Variants in AKNA observed in about 807,000 individuals in gnomAD.
AKNA encodes microtubule organization protein AKNA.
Under a neutral mutation model 138.8 loss-of-function variants are expected in AKNA, and 67 were observed. The ratio of observed to expected loss-of-function variants is 0.48; its 90% CI spans 0.40 to 0.59. The LOEUF is 0.59. AKNA is among the 20% of genes least tolerant of loss of function. AKNA has a pLI of 0.00. For synonymous variants in AKNA, 737 were observed against 754.4 expected (o/e 0.98, Z 0.38); for missense variants, 1,813 against 1,880.4 (o/e 0.96, Z 0.66).
chr9:114,355,466 T>C (rs60740853), intron 14 of AKNA, among the ~76,000 whole-genome samples: 18,946 of 152,208 alleles, frequency 0.12, 3,818 homozygotes, highest in African/African-American at 0.42. Flanking sequence ...CACGAGCCGC[T>C]GCACCCGGCT....
chr9:114,367,814 G>A, intron 5 of AKNA, 117 bp from the exon 6 acceptor site: 1 of 1,184,594 alleles, frequency 8.4e-7, no homozygotes, highest in Non-Finnish European at 1.2e-6. Flanking sequence ...CAGTCACCAT[G>A]TGCGATCTTC....
At position 114,368,465 on chromosome 9, in the gene AKNA, T is replaced by C; in HGVS notation, c.1547A>G (p.Glu516Gly). The C allele has an allele frequency of 7.7e-7, 1 of 1,306,378 alleles. No individual in the cohort carries two copies. Among genetic ancestry groups the C allele is most frequent in the East Asian group, 3.0e-5 (1 of 33,458 alleles). 80.9% of individuals were successfully genotyped at this position (1,306,378 alleles called of 1,614,324 possible). A position where few individuals can be genotyped will look rare whatever the true frequency, so the allele number is the denominator to read the frequency against. The change falls in exon 5 of 22, where the codon GAG becomes GGG. Residue 516 changes from glutamate to glycine, a missense_variant. Coordinates refer to ENST00000374088, the MANE Select transcript of AKNA (RefSeq NM_001317950.2). ...RSAEWWPGPA[E>G]DPQASAASGW... ...TGAGGCCGCAGAGGCCTGGGGGTCC[T>C]CGGCCGGGCCCGGCCACCACTCTGC...
At chr9:114,375,871 G>T in intron 3 of AKNA, 1 of 417,876 alleles carries the variant, frequency 2.4e-6, no homozygotes, top group Non-Finnish European at 4.8e-6. Flanking sequence ...TTTGAGCAAA[G>T]GGCTTGGGTG....
At chr9:114,375,538 G>A (rs1278658925) in intron 3 of AKNA, among the ~76,000 whole-genome samples, 1 of 152,290 alleles carries the variant, frequency 6.6e-6, no homozygotes, top group East Asian at 1.9e-4. Flanking sequence ...AGGACCTGGT[G>A]TTAACATTTA....
chr9:114,383,832 G>A (rs1449565640), intron 1 of AKNA, among the ~76,000 whole-genome samples: 1 of 152,224 alleles, frequency 6.6e-6, no homozygotes, highest in Non-Finnish European at 1.5e-5. Context: ...GGGAGGTGCA[G>A]GGAATACCAT....
At chr9:114,342,828 G>A (rs1830447812) in intron 19 of AKNA, among the ~76,000 whole-genome samples, 1 of 151,756 alleles carries the variant, frequency 6.6e-6, no homozygotes, top group Non-Finnish European at 1.5e-5. Context: ...TGTTCCTTGG[G>A]GACGGGGCCC....
intron 21 of AKNA, among the ~76,000 whole-genome samples, chr9:114,338,570 G>C (rs765334639): frequency 2.0e-5 from 3 of 152,200 alleles, no homozygotes; most frequent in Non-Finnish European, 4.4e-5. Context: ...GATGAGCAAA[G>C]CGGAGCTCAG....
chr9:114,337,013 G>GACCC lies in AKNA; in HGVS notation c.*40_*41insGGGT. On this transcript the variant is annotated 3_prime_UTR_variant, in exon 22 of 22. Coordinates refer to ENST00000374088, the MANE Select transcript of AKNA (RefSeq NM_001317950.2). ...CCACTCCTGGCCTGGCAGGCCACCT[G>GACCC]CCCACCCACCCACCCATCTGCCTCT... 2 of 1,185,370 alleles carry GACCC rather than the reference G, an allele frequency of 1.7e-6. No homozygotes were observed. The highest frequency in any genetic ancestry group is 2.5e-5 in the South Asian group (1 of 40,612). The allele number at this position is 1,185,370 out of a possible 1,614,324, so 73.4% of individuals were successfully genotyped here. A position where few individuals can be genotyped will look rare whatever the true frequency, so the allele number is the denominator to read the frequency against.
At chr9:114,331,896 C>T (rs1295534257), downstream of AKNA, 1 of 1,613,746 alleles carries the variant, frequency 6.2e-7, no homozygotes, top group Admixed American at 1.7e-5. Context: ...TGTGCATTCC[C>T]AGGTCAGATG....
chr9:114,345,741 C>T, intron 18 of AKNA, 122 bp downstream of exon 18: 1 of 912,836 alleles, frequency 1.1e-6, no homozygotes, highest in Non-Finnish European at 1.6e-6. Flanking sequence ...TTTCATATCA[C>T]AGAACTGATA....
At chr9:114,353,976 C>T (rs1831309700) in intron 14 of AKNA, among the ~76,000 whole-genome samples, 1 of 152,124 alleles carries the variant, frequency 6.6e-6, no homozygotes, top group African/African-American at 2.4e-5. Flanking sequence ...TTATAAACAC[C>T]ATACACTTAG....
In AKNA at chr9:114,346,785, C is replaced by A. The variant is rs896920442; in HGVS notation, c.3399-1G>T. On this transcript the variant is annotated splice_acceptor_variant, in intron 16 of 21. Coordinates refer to ENST00000374088, the MANE Select transcript of AKNA (RefSeq NM_001317950.2). LOFTEE classifies it high-confidence loss of function. The stretch of plus-strand genomic sequence containing the variant: ...ACCAGGCAATCTCTCTGTGGATTTA[C>A]TAGCAAAAGGAAAGAGAGATGATGT... 1 of 1,610,618 alleles carries A rather than the reference C, an allele frequency of 6.2e-7. No individual in the cohort carries two copies.
intron 1 of AKNA, chr9:114,383,047 G>A (rs934097436): frequency 2.3e-6 from 1 of 436,498 alleles, no homozygotes; most frequent in Non-Finnish European, 4.6e-6. Context: ...TGGGGGCGGG[G>A]AGCAAGCCTA....
At chr9:114,387,499 G>A (rs895896397) in intron 1 of AKNA, among the ~76,000 whole-genome samples, 12 of 152,194 alleles carry the variant, frequency 7.9e-5, no homozygotes, top group African/African-American at 2.9e-4. Flanking sequence ...GCTGCCTCCT[G>A]GCCTGCTGCC....
Position 114,377,362 on chromosome 9 carries a change from C to G in AKNA, c.445G>C (p.Gly149Arg), listed in dbSNP as rs79864470. ...ESSSRLGYEA[G>R]LSLEGHGNTS... is the part of the protein sequence containing the mutation. ...TTTCCATGGCCTTCCAAGCTGAGACCAGCCTCATACCCCAACCTTGAGGAG... is the reference window on the plus strand; with the variant it reads ...TTTCCATGGCCTTCCAAGCTGAGACGAGCCTCATACCCCAACCTTGAGGAG... Residue 149 changes from glycine (G) to arginine (R), a missense_variant, in exon 3 of 22, where the codon GGT (glycine) becomes CGT (arginine). Coordinates refer to ENST00000374088, the MANE Select transcript of AKNA (RefSeq NM_001317950.2). The G allele has an allele frequency of 1.2e-3, 1,934 of 1,613,912 alleles. 9 individuals carry two copies. The highest frequency in any genetic ancestry group is 3.0e-3 in the South Asian group (277 of 91,046).
At chr9:114,372,131 G>A (rs1223686689) in intron 4 of AKNA, among the ~76,000 whole-genome samples, 4 of 152,184 alleles carry the variant, frequency 2.6e-5, no homozygotes, top group African/African-American at 7.2e-5. Flanking sequence ...GCTTCCTTCC[G>A]GTAGAGCCCT....
At position 114,376,932 on chromosome 9, in the gene AKNA, G is replaced by A; in HGVS notation, c.875C>T (p.Pro292Leu). The change falls in exon 3 of 22, where the codon CCC (proline) becomes CTC (leucine). Residue 292 changes from proline (P) to leucine (L), a missense_variant. By Grantham distance (98) the Pro-to-Leu change is moderately conservative. Transcript: ENST00000374088. ...RETTRFFCPQ[P>L]KEHIWKQTKT... is the part of the protein sequence containing the mutation. ...TGTCTGCTTCCAGATGTGTTCCTTG[G>A]GCTGAGGGCAGAAGAATCTGGTCGT... The A allele has an allele frequency of 1.2e-6, 2 of 1,614,212 alleles. No homozygotes were observed. Among genetic ancestry groups the A allele is most frequent in the Non-Finnish European group, 1.7e-6 (2 of 1,180,034 alleles).
upstream of AKNA, among the ~76,000 whole-genome samples, chr9:114,395,442 G>A (rs76224547): frequency 0.013 from 2,051 of 152,048 alleles, 47 homozygotes; most frequent in African/African-American, 0.047. Flanking sequence ...ACGACCATCC[G>A]TGGCTCCTGT....
chr9:114,337,002 G>T lies in AKNA; in HGVS notation c.*52C>A. The stretch of plus-strand genomic sequence containing the variant: ...GCAGCTCCAGCCCACTCCTGGCCTG[G>T]CAGGCCACCTGCCCACCCACCCACC... On this transcript the variant is annotated 3_prime_UTR_variant, in exon 22 of 22. Transcript: ENST00000374088. 3 of 1,438,544 alleles carry T rather than the reference G, an allele frequency of 2.1e-6. No homozygotes were observed. Among genetic ancestry groups the T allele is most frequent in the African/African-American group, 1.4e-5 (1 of 70,480 alleles). 89.1% of individuals were successfully genotyped at this position (1,438,544 alleles called of 1,614,324 possible).
Sources: gnomAD v4.1 joint callset for allele counts (sites outside exome capture counted in the v4.1 genomes callset) on GRCh38, gnomAD v4.1.1 for gene constraint, MANE v1.5 for transcripts, NCBI Gene and HGNC (gene_info 2026-07-23, HGNC 2026-07-21) for gene names.